SLC1A7: variants seen among roughly 807,000 people sequenced by gnomAD.
The protein encoded by SLC1A7 is excitatory amino acid transporter 5.
In SLC1A7, 40 loss-of-function variants were observed where a neutral mutation model predicts 47.7. That is an observed-to-expected ratio of 0.84 (90% CI 0.65 to 1.09). The LOEUF is 1.09. Ranked by LOEUF, SLC1A7 falls within the 50% of genes least tolerant of loss-of-function variation. The pLI is 0.00. For missense variants in SLC1A7, 746 were observed against 769.5 expected (o/e 0.97, Z 0.36); for synonymous variants, 323 against 325.6 (o/e 0.99, Z 0.09).
At chr1:53,136,547 A>AACATATAT (rs777467682) in intron 1 of SLC1A7, among the ~76,000 whole-genome samples, 15,060 of 79,424 alleles carry the variant, frequency 0.19, 1,663 homozygotes, top group Middle Eastern at 0.32. Flanking sequence ...CATATATATA[A>AACATATAT]TATATATAAA....
intron 6 of SLC1A7, 116 bp from the exon 7 acceptor site, chr1:53,092,903 G>C: frequency 3.6e-6 from 2 of 553,140 alleles, no homozygotes; most frequent in Non-Finnish European, 6.2e-6. Flanking sequence ...TGCGAGGACA[G>C]AGCGAGACTG....
intron 3 of SLC1A7, among the ~76,000 whole-genome samples, chr1:53,112,089 A>G (rs1644707213): frequency 6.6e-6 from 1 of 152,160 alleles, no homozygotes; most frequent in African/African-American, 2.4e-5. Flanking sequence ...TCCCACCCTG[A>G]GTCTGGGCTT....
intron 7 of SLC1A7, among the ~76,000 whole-genome samples, chr1:53,092,301 G>A (rs1644430247): frequency 6.6e-6 from 1 of 152,270 alleles, no homozygotes; most frequent in Non-Finnish European, 1.5e-5. Flanking sequence ...GTCTGCCCTG[G>A]CGCGTCGAGG....
chr1:53,140,476 A>C (rs1300476212), intron 1 of SLC1A7, among the ~76,000 whole-genome samples: 2 of 152,048 alleles, frequency 1.3e-5, no homozygotes, highest in Non-Finnish European at 2.9e-5. Context: ...TAAAAAAAAA[A>C]ACAAACCCAT....
rs368319326 is a variant in SLC1A7 at position 53,103,429 on chromosome 1, G to A, written c.614C>T (p.Pro205Leu). 3.3e-5 allele frequency: 53 copies of A among 1,612,028 alleles called. No individual in the cohort carries two copies. The highest frequency in any genetic ancestry group is 8.9e-5 in the East Asian group (4 of 44,806). ...VQNFALDLTP[P>L]PEVVYKSEPG... The stretch of plus-strand genomic sequence containing the variant: ...CTCTGACTTGTAAACGACCTCGGGC[G>A]GCGGGGTCAGGTCCAGGGCGAAGTT... The change falls in exon 5 of 11, where the codon CCG becomes CTG. Residue 205 changes from proline (P) to leucine (L), a missense_variant. Pro to Leu is a moderately conservative substitution (Grantham distance 98). Transcript: ENST00000371494.
At position 53,088,888 on chromosome 1, in the gene SLC1A7, T is replaced by C. The variant is rs556878594; in HGVS notation, c.1453A>G (p.Thr485Ala). ...CTCACTGCTCTCACCTCGGTGCCTG[T>C]GTCCCGGGCAAAATCCTTCCGACAT... ...HICRKDFARD[T>A]GTEKLLPCET... is the part of the protein sequence containing the mutation. Residue 485 changes from threonine (T) to alanine (A), a missense_variant, in exon 10 of 11, where the codon ACA (threonine) becomes GCA (alanine). By Grantham distance (58) the Thr-to-Ala change is moderately conservative. Coordinates refer to ENST00000371494, the MANE Select transcript of SLC1A7 (RefSeq NM_006671.6). 2 of 1,613,598 alleles carry C rather than the reference T, an allele frequency of 1.2e-6. No individual in the cohort carries two copies. The highest frequency in any genetic ancestry group is 2.2e-5 in the East Asian group (1 of 44,868).
chr1:53,119,435 A>G (rs1212800873), intron 2 of SLC1A7, among the ~76,000 whole-genome samples: 6 of 152,012 alleles, frequency 3.9e-5, no homozygotes, highest in Non-Finnish European at 8.8e-5. Flanking sequence ...TGCAGCCTTG[A>G]CCTCCTAGGC....
rs541492573 is a variant in SLC1A7 at position 53,142,498 on chromosome 1, G to C, written c.-49C>G. 10 of 1,593,752 alleles carry C rather than the reference G, an allele frequency of 6.3e-6. No homozygotes were observed. The highest frequency in any genetic ancestry group is 5.3e-5 in the African/African-American group (4 of 74,830). On this transcript the variant is annotated 5_prime_UTR_variant, in exon 1 of 11. Coordinates refer to ENST00000371494, the MANE Select transcript of SLC1A7 (RefSeq NM_006671.6). ...GGGCACAGCACCATTCCACGCATGA[G>C]AGCCCGGCCGGGGGCACAGGGTCTG...
rs1557663523 is a variant in SLC1A7, at chr1:53,088,077, C to CA, written c.1614dup (p.Glu539Ter). ...TTCAGACTCGCAGCGGGCAGCTCCT[C>CA]ATCCTGCTCCACTTGAACGGGGACG... On this transcript the variant is annotated frameshift_variant, in exon 11 of 11. Transcript: ENST00000371494. LOFTEE classifies it high-confidence loss of function. The CA allele has an allele frequency of 2.5e-6, 4 of 1,609,376 alleles. No homozygotes were observed. The Admixed American group carries it at 6.7e-5, about 27-fold the overall frequency.
intron 2 of SLC1A7, among the ~76,000 whole-genome samples, chr1:53,125,144 A>T (rs1413790742): frequency 2.0e-5 from 3 of 152,194 alleles, no homozygotes; most frequent in Non-Finnish European, 4.4e-5. Context: ...AAGACGGCTG[A>T]GGAGGGCAAA....
At chr1:53,096,805 C>T (rs1455771664) in intron 5 of SLC1A7, among the ~76,000 whole-genome samples, 1 of 151,388 alleles carries the variant, frequency 6.6e-6, no homozygotes, top group Non-Finnish European at 1.5e-5. Flanking sequence ...CACACCCTGC[C>T]TCAATACACT....
At chr1:53,139,971 C>T (rs997045635) in intron 1 of SLC1A7, among the ~76,000 whole-genome samples, 2 of 150,990 alleles carry the variant, frequency 1.3e-5, no homozygotes, top group African/African-American at 4.9e-5. Context: ...GTGATTTTAT[C>T]AAGGATAAAA....
intron 3 of SLC1A7, among the ~76,000 whole-genome samples, chr1:53,113,665 C>T (rs1572328641): frequency 6.6e-6 from 1 of 152,132 alleles, no homozygotes; most frequent in Admixed American, 6.5e-5. Context: ...ACTCTGATCC[C>T]TGGTCAGATT....
At chr1:53,115,018 CCTG>C in intron 2 of SLC1A7, 45 bp from the exon 3 acceptor site, 1 of 1,507,550 alleles carries the variant, frequency 6.6e-7, no homozygotes, top group Non-Finnish European at 9.2e-7. Context: ...GAGGCCAGGG[CCTG>C]GCTGGCACTC....
Position 53,090,632 on chromosome 1 carries a change from A to G in SLC1A7, c.1206T>C (p.Phe402=). Residue 402 remains phenylalanine (F), a synonymous_variant, in exon 8 of 11, where the codon TTT becomes TTC. Transcript: ENST00000371494. ...TGCACCTGATGGTGATGATCTGGCC[A>G]AAGTCCAGCTCGTAGTTGTTGACCT... ...IAQVNNYELD[F]GQIITISITA... 1 of 1,598,998 alleles carries G rather than the reference A, an allele frequency of 6.3e-7. No individual in the cohort carries two copies. The highest frequency in any genetic ancestry group is 8.5e-7 in the Non-Finnish European group (1 of 1,169,976).
At chr1:53,096,859 G>T (rs979734166) in intron 5 of SLC1A7, among the ~76,000 whole-genome samples, 1 of 122,746 alleles carries the variant, frequency 8.1e-6, no homozygotes. Flanking sequence ...GCCTCAGTAC[G>T]CTCACTTTGC....
At chr1:53,097,955 C>CCTCGGTACACTCACACACCACAA (rs1287512107) in intron 5 of SLC1A7, among the ~76,000 whole-genome samples, 3 of 44,368 alleles carry the variant, frequency 6.8e-5, no homozygotes, top group African/African-American at 1.2e-4. Flanking sequence ...ACACACCATG[C>CCTCGGTACACTCACACACCACAA]CTCGGTACAC....
intron 2 of SLC1A7, among the ~76,000 whole-genome samples, chr1:53,128,852 A>T (rs561178579): frequency 1.4e-5 from 2 of 142,338 alleles, no homozygotes; most frequent in African/African-American, 5.2e-5. Flanking sequence ...GACACATCTG[A>T]GGAGCCTGGT....
At chr1:53,129,408 T>C (rs1644915924) in intron 2 of SLC1A7, among the ~76,000 whole-genome samples, 1 of 152,036 alleles carries the variant, frequency 6.6e-6, no homozygotes, top group African/African-American at 2.4e-5. Context: ...CCTGTAGCCT[T>C]TGCAGATTTC....
Sources: gnomAD v4.1 joint callset for allele counts (sites outside exome capture counted in the v4.1 genomes callset) on GRCh38, gnomAD v4.1.1 for gene constraint, MANE v1.5 for transcripts, NCBI Gene and HGNC (gene_info 2026-07-23, HGNC 2026-07-21) for gene names.